The following ADAMTS2 variants were observed in gnomAD, a reference collection of about 807,000 sequenced individuals.
ADAMTS2 encodes the protein A disintegrin and metalloproteinase with thrombospondin motifs 2.
In ADAMTS2, 50 loss-of-function variants were observed where a neutral mutation model predicts 123.0. The ratio of observed to expected loss-of-function variants is 0.41; its 90% CI spans 0.32 to 0.51. The LOEUF is 0.51. Among genes scored for constraint, ADAMTS2 ranks in the 20% least tolerant of loss-of-function variants. ADAMTS2 has a pLI of 0.35. For missense variants in ADAMTS2, 1,494 were observed against 1,705.2 expected (o/e 0.88, Z 2.18); for synonymous variants, 678 against 695.4 (o/e 0.98, Z 0.39).
At position 179,213,101 on chromosome 5, in the gene ADAMTS2, G is replaced by A. The variant is rs573976562; in HGVS notation, c.689-5386C>T. ...CTAGGGGACGACAGGGACAGGGGCC[G>A]GGGCAGGGATGCTTAAAACCTGAGG... On this transcript the variant is annotated intron_variant, in intron 3 of 21. Transcript: ENST00000251582. Among the ~76,000 whole-genome samples, 19 of 152,220 alleles carry A rather than the reference G, an allele frequency of 1.2e-4. No homozygotes were observed. The South Asian group carries it at 3.3e-3, about 27-fold the overall frequency.
intron 11 of ADAMTS2, among the ~76,000 whole-genome samples, chr5:179,139,164 G>C (rs1426488500): frequency 6.6e-6 from 1 of 152,166 alleles, no homozygotes. Flanking sequence ...TGTTTGTGGA[G>C]GGTTCTCCCT....
At chr5:179,235,416 A>G (rs549937989) in intron 3 of ADAMTS2, among the ~76,000 whole-genome samples, 15 of 152,346 alleles carry the variant, frequency 9.8e-5, no homozygotes, top group African/African-American at 2.9e-4. Context: ...CTTCACACCA[A>G]TGGAGCCAGA....
At chr5:179,177,179 A>C (rs1763952071) in intron 5 of ADAMTS2, among the ~76,000 whole-genome samples, 1 of 152,226 alleles carries the variant, frequency 6.6e-6, no homozygotes, top group Non-Finnish European at 1.5e-5. Context: ...TTAGAGGATG[A>C]GTTTTGTCAT....
At chr5:179,297,470 G>A (rs1002617507) in intron 2 of ADAMTS2, among the ~76,000 whole-genome samples, 1 of 151,760 alleles carries the variant, frequency 6.6e-6, no homozygotes, top group Admixed American at 6.6e-5. Flanking sequence ...ACCCCCTTCT[G>A]CCCCACTCCC....
In ADAMTS2 at chr5:179,224,761, T is replaced by C. The variant is rs573847109; in HGVS notation, c.689-17046A>G. On this transcript the variant is annotated intron_variant, in intron 3 of 21. Transcript: ENST00000251582. ...CTGGCAAAAAGCAATTTAAGAATAATGTAGGTGCTGTGCTGCTTGTGAAAT... is the reference window on the plus strand; with the variant it reads ...CTGGCAAAAAGCAATTTAAGAATAACGTAGGTGCTGTGCTGCTTGTGAAAT... 3.3e-4 allele frequency among the ~76,000 whole-genome samples: 51 copies of C among 152,340 alleles called. No homozygotes were observed. In the South Asian group the frequency reaches 9.9e-3, roughly 30 times the overall value.
At chr5:179,213,460 G>A (rs1283938127) in intron 3 of ADAMTS2, among the ~76,000 whole-genome samples, 1 of 152,194 alleles carries the variant, frequency 6.6e-6, no homozygotes, top group African/African-American at 2.4e-5. Flanking sequence ...ACAGGTAACC[G>A]CAGGGCTGTG....
Position 179,113,767 on chromosome 5 carries a change from C to CT in ADAMTS2, c.*99_*100insA. 8.0e-7 allele frequency: 1 copy of CT among 1,245,734 alleles called. No individual in the cohort carries two copies. The highest frequency in any genetic ancestry group is 1.2e-6 in the Non-Finnish European group (1 of 853,596). 77.2% of individuals were successfully genotyped at this position (1,245,734 alleles called of 1,614,324 possible). On this transcript the variant is annotated 3_prime_UTR_variant, in exon 22 of 22. Coordinates refer to ENST00000251582, the MANE Select transcript of ADAMTS2 (RefSeq NM_014244.5). The stretch of plus-strand genomic sequence containing the variant: ...TTGTTTTCTCAAAACCTTTTGGAAT[C>CT]AGGAATTTTGACTTCATCTCCATGA...
chr5:179,345,404 T>G lies in ADAMTS2; in HGVS notation c.-76A>C, dbSNP rs1465879645. ...CCCCGCGAGCCGCCCAGCCCACATCTGGGGGCAGCTGGAGCCGCCCGCAGC... is the reference window on the plus strand; with the variant it reads ...CCCCGCGAGCCGCCCAGCCCACATCGGGGGGCAGCTGGAGCCGCCCGCAGC... On this transcript the variant is annotated 5_prime_UTR_variant, in exon 1 of 22. Coordinates refer to ENST00000251582, the MANE Select transcript of ADAMTS2 (RefSeq NM_014244.5). This position sits in a 1 kb window ranked among gnomAD's most constrained non-coding sequence, Gnocchi z 7.5. 3.0e-6 allele frequency: 3 copies of G among 1,010,796 alleles called. No homozygotes were observed. Among genetic ancestry groups the G allele is most frequent in the Admixed American group, 6.1e-5 (1 of 16,338 alleles). The allele number at this position is 1,010,796 out of a possible 1,614,324, so 62.6% of individuals were successfully genotyped here. A position where few individuals can be genotyped will look rare whatever the true frequency, so the allele number is the denominator to read the frequency against.
At position 179,285,702 on chromosome 5, in the gene ADAMTS2, C is replaced by T. The variant is rs555774093; in HGVS notation, c.535-12638G>A. On this transcript the variant is annotated intron_variant, in intron 2 of 21. Transcript: ENST00000251582. The surrounding 1 kb of genome is among the most constrained non-coding windows in gnomAD (Gnocchi z 4.9). ...TCAGCATGAAGCCCACGTCGGGGAACGTCCCCAGTCACAAATTAACATTCA... is the reference window on the plus strand; with the variant it reads ...TCAGCATGAAGCCCACGTCGGGGAATGTCCCCAGTCACAAATTAACATTCA... 3.8e-4 allele frequency among the ~76,000 whole-genome samples: 58 copies of T among 152,354 alleles called. No individual in the cohort carries two copies. The highest frequency in any genetic ancestry group is 1.3e-3 in the African/African-American group (54 of 41,592).
At chr5:179,306,708 C>T (rs948859300) in intron 2 of ADAMTS2, among the ~76,000 whole-genome samples, 4 of 152,126 alleles carry the variant, frequency 2.6e-5, no homozygotes, top group Non-Finnish European at 5.9e-5. Context: ...GGTGACTGGC[C>T]CCTAAAGCCT....
At position 179,225,609 on chromosome 5, in the gene ADAMTS2, C is replaced by A. The variant is rs189259437; in HGVS notation, c.689-17894G>T. ...ACAGGCGGCTGGACGTCGAGAGGAACGCACCAACGAGCACCAGCACGCTGC... is the reference window on the plus strand; with the variant it reads ...ACAGGCGGCTGGACGTCGAGAGGAAAGCACCAACGAGCACCAGCACGCTGC... On this transcript the variant is annotated intron_variant, in intron 3 of 21. Transcript: ENST00000251582. The surrounding 1 kb of genome is among the most constrained non-coding windows in gnomAD (Gnocchi z 4.5). Among the ~76,000 whole-genome samples the A allele has an allele frequency of 3.3e-5, 5 of 152,138 alleles. No homozygotes were observed. The highest frequency in any genetic ancestry group is 3.9e-4 in the East Asian group (2 of 5,182).
chr5:179,238,082 C>T lies in ADAMTS2; in HGVS notation c.689-30367G>A, dbSNP rs1765570899. Among the ~76,000 whole-genome samples the T allele has an allele frequency of 2.6e-5, 4 of 152,202 alleles. No individual in the cohort carries two copies. In the South Asian group the frequency reaches 6.2e-4, roughly 24 times the overall value. ...TTGGAGAGACTTTGGGGAGGCTGTG[C>T]ACTCTGGAAACAGCCAAGCTGTTCT... On this transcript the variant is annotated intron_variant, in intron 3 of 21. Coordinates refer to ENST00000251582, the MANE Select transcript of ADAMTS2 (RefSeq NM_014244.5).
At chr5:179,182,680 C>A (rs1333027468) in intron 4 of ADAMTS2, among the ~76,000 whole-genome samples, 1 of 152,194 alleles carries the variant, frequency 6.6e-6, no homozygotes, top group African/African-American at 2.4e-5. Context: ...CTCTTGGCAA[C>A]TGCTGCCCAG....
At chr5:179,163,722 G>T (rs980962753) in intron 5 of ADAMTS2, among the ~76,000 whole-genome samples, 1 of 152,118 alleles carries the variant, frequency 6.6e-6, no homozygotes, top group Admixed American at 6.5e-5. Context: ...TTGCTGCTGC[G>T]GCAAGACAAT....
intron 3 of ADAMTS2, among the ~76,000 whole-genome samples, chr5:179,241,792 T>C: frequency 6.6e-6 from 1 of 152,262 alleles, no homozygotes; most frequent in East Asian, 1.9e-4. Context: ...TTACAGTGCA[T>C]TAAAATAAAC....
At chr5:179,122,853 C>A (rs1429394969) in intron 19 of ADAMTS2, 80 bp from the exon 20 acceptor site, 2 of 1,542,244 alleles carry the variant, frequency 1.3e-6, no homozygotes, top group Non-Finnish European at 8.7e-7. Flanking sequence ...CCCACAGTCC[C>A]CAGGCACATG....
chr5:179,225,578 G>A lies in ADAMTS2; in HGVS notation c.689-17863C>T, dbSNP rs1250096362. 6.6e-6 allele frequency among the ~76,000 whole-genome samples: 1 copy of A among 152,072 alleles called. No individual in the cohort carries two copies. Among genetic ancestry groups the A allele is most frequent in the Non-Finnish European group, 1.5e-5 (1 of 68,010 alleles). On this transcript the variant is annotated intron_variant, in intron 3 of 21. Transcript: ENST00000251582. This position sits in a 1 kb window ranked among gnomAD's most constrained non-coding sequence, Gnocchi z 4.5. ...CGTCGAGAGGAGCGCATGAGGGGAG[G>A]AACACACAGGCGGCTGGACGTCGAG...
At position 179,152,741 on chromosome 5, in the gene ADAMTS2, C is replaced by T. The variant is rs537304452; in HGVS notation, c.1516-486G>A. 2.0e-4 allele frequency among the ~76,000 whole-genome samples: 31 copies of T among 152,254 alleles called. 1 individual carries two copies. In the South Asian group the frequency reaches 6.0e-3, roughly 30 times the overall value. ...CCTGAGGGATCAGCTGAAACTCAGA[C>T]GTGGCCCTGAGCCTCCCCTACTCAA... On this transcript the variant is annotated intron_variant, in intron 9 of 21. Transcript: ENST00000251582.
At chr5:179,284,081 A>T (rs1239066158) in intron 2 of ADAMTS2, among the ~76,000 whole-genome samples, 2 of 151,666 alleles carry the variant, frequency 1.3e-5, no homozygotes, top group East Asian at 3.9e-4. Flanking sequence ...CCATAATCCC[A>T]GCACTTTGGG....
Sources: gnomAD v4.1 joint callset for allele counts (sites outside exome capture counted in the v4.1 genomes callset) on GRCh38, gnomAD v4.1.1 for gene constraint, Gnocchi (gnomAD v3.1) non-coding constraint, MANE v1.5 for transcripts, NCBI Gene and HGNC (gene_info 2026-07-23, HGNC 2026-07-21) for gene names.